Variants in DNAAF10 observed in about 807,000 individuals in gnomAD.
DNAAF10 encodes dynein axonemal assembly factor 10.
A neutral mutation model predicts 43.7 loss-of-function variants in DNAAF10; 28 were observed. The ratio of observed to expected loss-of-function variants is 0.64; its 90% CI spans 0.48 to 0.88. The LOEUF is 0.88. DNAAF10 is among the 40% of genes least tolerant of loss of function. DNAAF10 has a pLI of 0.00. For synonymous variants in DNAAF10, 156 were observed against 157.3 expected (o/e 0.99, Z 0.06); for missense variants, 403 against 439.1 (o/e 0.92, Z 0.73).
At chr2:68,147,222 G>T (rs532937820) in intron 2 of DNAAF10, among the ~76,000 whole-genome samples, 10 of 152,226 alleles carry the variant, frequency 6.6e-5, no homozygotes, top group Admixed American at 2.6e-4. Flanking sequence ...ACCAAACTGC[G>T]TGTGTGAAAA....
intron 3 of DNAAF10, among the ~76,000 whole-genome samples, chr2:68,143,425 C>T (rs140477034): frequency 2.1e-3 from 314 of 152,220 alleles, no homozygotes; most frequent in African/African-American, 6.9e-3. Context: ...TCAAGTTATC[C>T]GCCCGCCTCA....
chr2:68,157,261 C>G lies in DNAAF10; in HGVS notation c.183G>C (p.Glu61Asp). The change falls in exon 1 of 8, where the codon GAG becomes GAC. Residue 61 changes from glutamate (E) to aspartate (D), a missense_variant and splice_region_variant. By Grantham distance (45) the Glu-to-Asp change is conservative (BLOSUM62 2). Transcript: ENST00000295121. The stretch of plus-strand genomic sequence containing the variant: ...TCCGGATCCTCGACCCGGCACCCAC[C>G]TCCCGAAGCAGCTTCAGGTCCCCGT... ...IQHGDLKLLR[E>D]IEKAKPIKCG... is the part of the protein sequence containing the mutation. 1.2e-6 allele frequency: 2 copies of G among 1,611,984 alleles called. No homozygotes were observed. Among genetic ancestry groups the G allele is most frequent in the Non-Finnish European group, 1.7e-6 (2 of 1,178,802 alleles).
chr2:68,155,060 C>G (rs956151897), intron 1 of DNAAF10, among the ~76,000 whole-genome samples: 1 of 152,064 alleles, frequency 6.6e-6, no homozygotes, highest in Non-Finnish European at 1.5e-5. Flanking sequence ...GCGTTAGCCA[C>G]TGCACCAGGC....
chr2:68,141,641 T>C (rs997351372), intron 4 of DNAAF10, 53 bp downstream of exon 4: 2 of 1,525,896 alleles, frequency 1.3e-6, no homozygotes, highest in African/African-American at 2.7e-5. Flanking sequence ...TCTTGCAGCA[T>C]CGTGCTTTTT....
chr2:68,138,896 G>A (rs746242754), intron 4 of DNAAF10, 39 bp from the exon 5 acceptor site: 6 of 1,422,018 alleles, frequency 4.2e-6, no homozygotes, highest in African/African-American at 2.8e-5. Flanking sequence ...CCTTATAAAT[G>A]CATCCTTATA....
intron 6 of DNAAF10, among the ~76,000 whole-genome samples, chr2:68,135,385 A>C (rs1477115401): frequency 1.3e-5 from 2 of 152,212 alleles, no homozygotes; most frequent in African/African-American, 4.8e-5. Context: ...CTTACAGACA[A>C]TGTTTATGGT....
intron 3 of DNAAF10, among the ~76,000 whole-genome samples, chr2:68,143,006 C>T (rs1673226073): frequency 1.3e-5 from 2 of 152,008 alleles, no homozygotes; most frequent in African/African-American, 4.8e-5. Context: ...CCTACCTCAG[C>T]CTCCCAAGTA....
At chr2:68,134,821 C>A in intron 6 of DNAAF10, 22 bp from the exon 7 acceptor site, 1 of 1,612,902 alleles carries the variant, frequency 6.2e-7, no homozygotes. Flanking sequence ...AAGAGGCATA[C>A]AACTGGTTTA....
rs1491303493 is a variant in DNAAF10, at chr2:68,130,105, G to GCGATAT, written c.*1132_*1133insATATCG. The GCGATAT allele has an allele frequency of 2.3e-5, 1 of 43,056 alleles. No individual in the cohort carries two copies. Among genetic ancestry groups the GCGATAT allele is most frequent in the East Asian group, 6.9e-4 (1 of 1,444 alleles). The allele number at this position is 43,056 out of a possible 1,614,324, so 2.7% of individuals were successfully genotyped here. A position where few individuals can be genotyped will look rare whatever the true frequency, so the allele number is the denominator to read the frequency against. On this transcript the variant is annotated 3_prime_UTR_variant, in exon 8 of 8. Transcript: ENST00000295121. ...AAATCTAGACCAACCGTGCCGTTTT[G>GCGATAT]AGAGAGAGAGATATATATATATATA...
intron 3 of DNAAF10, among the ~76,000 whole-genome samples, chr2:68,142,023 A>G (rs1349231380): frequency 5.9e-5 from 9 of 152,234 alleles, no homozygotes; most frequent in Admixed American, 5.9e-4. Context: ...AGACACACAG[A>G]AAAGCCAACA....
intron 2 of DNAAF10, among the ~76,000 whole-genome samples, chr2:68,145,133 G>C (rs1366598464): frequency 1.3e-5 from 2 of 151,684 alleles, no homozygotes; most frequent in Non-Finnish European, 2.9e-5. Flanking sequence ...CAAATATAGA[G>C]TAAAGCCCAG....
chr2:68,138,737 T>C lies in DNAAF10; in HGVS notation c.633+5A>G. On this transcript the variant is annotated splice_donor_5th_base_variant and intron_variant, in intron 5 of 7. Transcript: ENST00000295121. ...GAAACCAAAAAGCCTCAGAATGTAC[T>C]TTACCCCATTTTTGATGTTTGTCTC... The C allele has an allele frequency of 6.2e-7, 1 of 1,604,418 alleles. No individual in the cohort carries two copies. Among genetic ancestry groups the C allele is most frequent in the South Asian group, 1.1e-5 (1 of 90,878 alleles).
At chr2:68,150,763 T>C (rs1196134245) in intron 1 of DNAAF10, among the ~76,000 whole-genome samples, 9 of 151,912 alleles carry the variant, frequency 5.9e-5, no homozygotes, top group Admixed American at 3.9e-4. Flanking sequence ...AAAATAAAAA[T>C]AAAAATAAAA....
chr2:68,140,821 T>C (rs1673159342), intron 4 of DNAAF10, among the ~76,000 whole-genome samples: 1 of 152,186 alleles, frequency 6.6e-6, no homozygotes, highest in Admixed American at 6.5e-5. Flanking sequence ...CAACAATGGA[T>C]CGAAAATATT....
At chr2:68,138,031 C>T (rs1038505694) in intron 5 of DNAAF10, among the ~76,000 whole-genome samples, 5 of 150,994 alleles carry the variant, frequency 3.3e-5, no homozygotes, top group Non-Finnish European at 5.9e-5. Context: ...AAAAATTAGC[C>T]GGGCATGGTG....
At chr2:68,154,044 G>A (rs1288300845) in intron 1 of DNAAF10, among the ~76,000 whole-genome samples, 3 of 151,100 alleles carry the variant, frequency 2.0e-5, no homozygotes, top group African/African-American at 7.3e-5. Context: ...TGAGCACCGC[G>A]CCCAGCCCAG....
intron 2 of DNAAF10, among the ~76,000 whole-genome samples, chr2:68,145,482 G>C (rs938077506): frequency 3.9e-5 from 6 of 152,216 alleles, no homozygotes; most frequent in Admixed American, 6.5e-5. Flanking sequence ...AAGTGATATA[G>C]AATTCTTCCA....
chr2:68,140,853 A>T lies in DNAAF10; in HGVS notation c.517+841T>A, dbSNP rs190821719. Among the ~76,000 whole-genome samples, 72 of 152,308 alleles carry T rather than the reference A, an allele frequency of 4.7e-4. 1 individual carries two copies. Among genetic ancestry groups the T allele is most frequent in the Non-Finnish European group, 2.9e-5 (2 of 68,032 alleles). On this transcript the variant is annotated intron_variant, in intron 4 of 7. Transcript: ENST00000295121. ...TATTTGGAAAAAAATTTGCATCTACACTAAAAACGTACAGACTTCTTGTGC... is the reference window on the plus strand; with the variant it reads ...TATTTGGAAAAAAATTTGCATCTACTCTAAAAACGTACAGACTTCTTGTGC...
intron 7 of DNAAF10, chr2:68,131,726 T>G (rs1672934802): frequency 3.0e-6 from 1 of 332,204 alleles, no homozygotes; most frequent in Non-Finnish European, 5.7e-6. Context: ...ATATGAAAGT[T>G]CTAGGTTGAT....
Sources: allele counts gnomAD v4.1 joint callset (sites outside exome capture counted in the v4.1 genomes callset), GRCh38; gene constraint gnomAD v4.1.1; transcripts MANE v1.5; gene names NCBI Gene and HGNC (gene_info 2026-07-23, HGNC 2026-07-21).